The following EYS variants were observed in gnomAD, a reference collection of about 807,000 sequenced individuals.
EYS encodes the protein protein eyes shut homolog.
Under a neutral mutation model 282.1 loss-of-function variants are expected in EYS, and 250 were observed. The observed-to-expected ratio is 0.89, with a 90% CI of 0.80 to 0.98. The LOEUF is 0.98. Ranked by LOEUF, EYS falls within the 50% of genes least tolerant of loss-of-function variation. The pLI, the probability that EYS is intolerant of heterozygous loss-of-function variation, is 0.00. For missense variants in EYS, 4,016 were observed against 3,709.0 expected (o/e 1.08, Z -2.15); for synonymous variants, 1,355 against 1,282.9 (o/e 1.06, Z -1.20).
chr6:64,598,150 A>T (rs578207691), intron 24 of EYS, among the ~76,000 whole-genome samples: 1 of 152,316 alleles, frequency 6.6e-6, no homozygotes, highest in African/African-American at 2.4e-5. Context: ...TGGATACAGA[A>T]TGCATGTAAA....
chr6:64,683,628 G>T (rs1769980168), intron 22 of EYS, among the ~76,000 whole-genome samples: 1 of 151,498 alleles, frequency 6.6e-6, no homozygotes. Context: ...TAAAGAATAG[G>T]GCAGAAAATT....
rs1188536877 is a variant in EYS at position 65,182,229 on chromosome 6, TA to T, written c.2023+113633del. Among the ~76,000 whole-genome samples the T allele has an allele frequency of 2.0e-5, 3 of 150,360 alleles. No individual in the cohort carries two copies. In the East Asian group the frequency reaches 5.9e-4, roughly 29 times the overall value. On this transcript the variant is annotated intron_variant, in intron 12 of 42. Coordinates refer to ENST00000503581, the MANE Select transcript of EYS (RefSeq NM_001142800.2). ...AATAAAAATATATATAATAATAAAA[TA>T]AAAAAACAAATCCAACTTTAAATAA...
chr6:64,648,884 T>A (rs1768452027), intron 22 of EYS, among the ~76,000 whole-genome samples: 3 of 152,208 alleles, frequency 2.0e-5, no homozygotes, highest in Admixed American at 1.3e-4. Context: ...TTAATTGTGA[T>A]AATTTACCAA....
At chr6:64,847,387 G>A (rs1458508139) in intron 19 of EYS, among the ~76,000 whole-genome samples, 1 of 151,958 alleles carries the variant, frequency 6.6e-6, no homozygotes, top group East Asian at 1.9e-4. Context: ...AAATCCTAGT[G>A]AATATAGTTA....
At chr6:65,190,164 T>A (rs1386778639) in intron 12 of EYS, among the ~76,000 whole-genome samples, 4 of 151,192 alleles carry the variant, frequency 2.6e-5, no homozygotes, top group Non-Finnish European at 3.0e-5. Context: ...ATTATAACTT[T>A]CGTGGGCCTA....
At chr6:64,452,737 T>C (rs2150478712) in intron 26 of EYS, among the ~76,000 whole-genome samples, 1 of 152,256 alleles carries the variant, frequency 6.6e-6, no homozygotes, top group African/African-American at 2.4e-5. Flanking sequence ...TTGACAAATC[T>C]GACAAAAACA....
intron 6 of EYS, 33 bp from the exon 7 acceptor site, chr6:65,402,638 T>A (rs200012756): frequency 7.0e-7 from 1 of 1,426,326 alleles, no homozygotes; most frequent in East Asian, 2.3e-5. Context: ...TTTTACAAAG[T>A]ATTATGGATA....
At chr6:65,511,339 T>TTC (rs1260387917) in intron 2 of EYS, among the ~76,000 whole-genome samples, 1 of 144,852 alleles carries the variant, frequency 6.9e-6, no homozygotes, top group African/African-American at 2.8e-5. Flanking sequence ...TACAAATGCA[T>TTC]TCTGTGTGTG....
At chr6:65,032,328 A>G (rs1772630940) in intron 13 of EYS, among the ~76,000 whole-genome samples, 2 of 152,176 alleles carry the variant, frequency 1.3e-5, no homozygotes, top group African/African-American at 4.8e-5. Flanking sequence ...GAGTTGTGAT[A>G]TAGTTTAGAT....
At chr6:65,214,703 A>C (rs9453227) in intron 12 of EYS, among the ~76,000 whole-genome samples, 2,053 of 152,348 alleles carry the variant, frequency 0.013, 30 homozygotes, top group African/African-American at 0.041. Context: ...AGATTTTCAC[A>C]GCTATGGAGG....
At position 65,612,158 on chromosome 6, in the gene EYS, G is replaced by A. The variant is rs1443598265; in HGVS notation, c.-333+27620C>T. On this transcript the variant is annotated intron_variant, in intron 2 of 42. Transcript: ENST00000503581. ...AGGATGTTAAAACAATTAATATAAC[G>A]GTGCTTGGATTGGCATGTGTCTTTG... Among the ~76,000 whole-genome samples, 3 of 150,912 alleles carry A rather than the reference G, an allele frequency of 2.0e-5. No homozygotes were observed. The Admixed American group carries it at 2.0e-4, about 10-fold the overall frequency.
At chr6:65,215,022 C>G (rs1043134382) in intron 12 of EYS, among the ~76,000 whole-genome samples, 1 of 152,076 alleles carries the variant, frequency 6.6e-6, no homozygotes, top group Non-Finnish European at 1.5e-5. Context: ...TACCTGCTTA[C>G]CCAAGAGATC....
At chr6:64,914,761 G>T (rs1427291087) in intron 15 of EYS, among the ~76,000 whole-genome samples, 1 of 152,008 alleles carries the variant, frequency 6.6e-6, no homozygotes, top group Non-Finnish European at 1.5e-5. Flanking sequence ...AGTTCAATAA[G>T]TTTAAATCCA....
At position 64,898,517 on chromosome 6, in the gene EYS, A is replaced by G. The variant is rs186325373; in HGVS notation, c.2846+3596T>C. Among the ~76,000 whole-genome samples, 689 of 152,158 alleles carry G rather than the reference A, an allele frequency of 4.5e-3. 4 individuals are homozygous for G. The highest frequency in any genetic ancestry group is 4.8e-3 in the Non-Finnish European group (325 of 67,990). On this transcript the variant is annotated intron_variant, in intron 18 of 42. Coordinates refer to ENST00000503581, the MANE Select transcript of EYS (RefSeq NM_001142800.2). ...CAAAACAAGCCAAAATGTAAAGACC[A>G]TTGACACTACGAAGAAACTGCATCA...
chr6:64,960,633 T>C (rs1769880571), intron 14 of EYS, among the ~76,000 whole-genome samples: 1 of 152,216 alleles, frequency 6.6e-6, no homozygotes. Flanking sequence ...ATTTGGCATT[T>C]CTATATTTTT....
At chr6:65,671,924 G>A (rs1399377775) in intron 1 of EYS, among the ~76,000 whole-genome samples, 5 of 152,110 alleles carry the variant, frequency 3.3e-5, no homozygotes, top group African/African-American at 1.2e-4. Flanking sequence ...TGACAGGAAA[G>A]GGTGTCAGAT....
chr6:63,878,244 C>T lies in EYS; in HGVS notation c.7056-13886G>A, dbSNP rs141144817. On this transcript the variant is annotated intron_variant, in intron 35 of 42. Transcript: ENST00000503581. ...TGTTGGAGTTTCCTGGAGGTCCACT[C>T]CAGACCCTGTTTTCCTGGGTATCAC... 8.2e-3 allele frequency among the ~76,000 whole-genome samples: 1,250 copies of T among 152,310 alleles called. 5 individuals are homozygous for T. The highest frequency in any genetic ancestry group is 0.012 in the Non-Finnish European group (847 of 68,032).
chr6:65,295,884 T>C lies in EYS; in HGVS notation c.2002A>G (p.Lys668Glu). The C allele has an allele frequency of 6.5e-7, 1 of 1,548,572 alleles. No homozygotes were observed. The highest frequency in any genetic ancestry group is 8.7e-7 in the Non-Finnish European group (1 of 1,145,534). Reference protein sequence around the residue: ...STHLRGYFFRKCVPGFKGTQC... With the variant: ...STHLRGYFFRECVPGFKGTQC... ...TTGCCTTTAAATCCTGGGACACACTTGCGGAAGAAATATCCCCTTAAATGT... is the reference window on the plus strand; with the variant it reads ...TTGCCTTTAAATCCTGGGACACACTCGCGGAAGAAATATCCCCTTAAATGT... Residue 668 changes from lysine to glutamate, a missense_variant, in exon 12 of 43, where the codon AAG becomes GAG. Coordinates refer to ENST00000503581, the MANE Select transcript of EYS (RefSeq NM_001142800.2).
Position 63,985,473 on chromosome 6 carries a change from C to T in EYS, c.6835-870G>A, listed in dbSNP as rs535985936. On this transcript the variant is annotated intron_variant, in intron 34 of 42. Coordinates refer to ENST00000503581, the MANE Select transcript of EYS (RefSeq NM_001142800.2). ...GGCAACCCTGACAAACTAATGTAATCATAATATATTATAAATATCCTAAAA... is the reference window on the plus strand; with the variant it reads ...GGCAACCCTGACAAACTAATGTAATTATAATATATTATAAATATCCTAAAA... 2.0e-5 allele frequency among the ~76,000 whole-genome samples: 3 copies of T among 151,794 alleles called. No individual in the cohort carries two copies. The East Asian group carries it at 5.8e-4, about 30-fold the overall frequency.
Sources: gnomAD v4.1 joint callset for allele counts (sites outside exome capture counted in the v4.1 genomes callset) on GRCh38, gnomAD v4.1.1 for gene constraint, MANE v1.5 for transcripts, NCBI Gene and HGNC (gene_info 2026-07-23, HGNC 2026-07-21) for gene names.